Variants in SAMD15 observed in about 807,000 individuals in gnomAD.
SAMD15 encodes the protein sterile alpha motif domain containing 15.
SAMD15 carries 37 observed loss-of-function variants against 50.5 expected under a neutral mutation model. The observed-to-expected ratio is 0.73, with a 90% CI of 0.56 to 0.96. The LOEUF is 0.96. Among genes scored for constraint, SAMD15 ranks in the 40% least tolerant of loss-of-function variants. The pLI is 0.00. For missense variants in SAMD15, 789 were observed against 783.8 expected (o/e 1.01, Z -0.08); for synonymous variants, 255 against 282.8 (o/e 0.90, Z 0.99).
Position 77,391,497 on chromosome 14 carries a change from T to C in SAMD15, c.*253T>C. The C allele has an allele frequency of 3.0e-6, 1 of 333,362 alleles. No homozygotes were observed. Among genetic ancestry groups the C allele is most frequent in the Non-Finnish European group, 5.4e-6 (1 of 184,430 alleles). 20.7% of individuals were successfully genotyped at this position (333,362 alleles called of 1,614,324 possible). A position where few individuals can be genotyped will look rare whatever the true frequency, so the allele number is the denominator to read the frequency against. On this transcript the variant is annotated 3_prime_UTR_variant, in exon 3 of 3. Transcript: ENST00000216471. ...CATGCCCAGCTAATTTTTGTATTTT[T>C]AGTAGATATGATGTTTCACCATGTT...
intron 2 of SAMD15, among the ~76,000 whole-genome samples, chr14:77,387,021 A>C (rs1012468): frequency 6.6e-6 from 1 of 152,216 alleles, no homozygotes; most frequent in Admixed American, 6.5e-5. Context: ...AATCCTTAGA[A>C]AACTAATCAT....
At chr14:77,388,382 CGTGTGTGTGTGTGTGTGT>C (rs376913427) in intron 2 of SAMD15, among the ~76,000 whole-genome samples, 6 of 133,166 alleles carry the variant, frequency 4.5e-5, no homozygotes, top group East Asian at 4.5e-4. Context: ...GCCACCTGTT[CGTGTGTGTGTGTGTGTGT>C]GTGTGTGTGT....
chr14:77,383,977 CAAAAAAAAA>C (rs71128618), intron 2 of SAMD15, among the ~76,000 whole-genome samples: 2 of 59,086 alleles, frequency 3.4e-5, no homozygotes, highest in Non-Finnish European at 6.0e-5. Flanking sequence ...GACTCAGTCT[CAAAAAAAAA>C]AAAAAAAAAA....
chr14:77,388,612 G>T lies in SAMD15; in HGVS notation c.1789-2396G>T, dbSNP rs1176715603. Among the ~76,000 whole-genome samples, 8 of 137,242 alleles carry T rather than the reference G, an allele frequency of 5.8e-5. 1 individual carries two copies. Among genetic ancestry groups the T allele is most frequent in the South Asian group, 2.4e-4 (1 of 4,194 alleles). The allele number at this position is 137,242 out of a possible 152,430, so 90.0% of individuals were successfully genotyped here. On this transcript the variant is annotated intron_variant, in intron 2 of 2. Coordinates refer to ENST00000216471, the MANE Select transcript of SAMD15 (RefSeq NM_001010860.4). ...TTTTCTGTAGCAATTTGTTTTTTTT[G>T]TTTGTTTGTTTTTTGAGATGGAATC...
At chr14:77,386,816 T>G (rs1211491710) in intron 2 of SAMD15, among the ~76,000 whole-genome samples, 1 of 152,120 alleles carries the variant, frequency 6.6e-6, no homozygotes, top group Non-Finnish European at 1.5e-5. Context: ...AGCAAAACCA[T>G]CAGTAGTTTA....
chr14:77,380,349 C>A, intron 1 of SAMD15, 34 bp from the exon 2 acceptor site: 1 of 1,344,024 alleles, frequency 7.4e-7, no homozygotes, highest in Non-Finnish European at 1.1e-6. Flanking sequence ...ATTTGCAGTA[C>A]ATTTTTTAAG....
At chr14:77,385,105 C>T (rs1893989399) in intron 2 of SAMD15, among the ~76,000 whole-genome samples, 1 of 151,770 alleles carries the variant, frequency 6.6e-6, no homozygotes. Context: ...ATCCCTTGAA[C>T]CTGGAAGGCA....
intron 2 of SAMD15, among the ~76,000 whole-genome samples, chr14:77,381,622 C>A (rs1003568289): frequency 3.3e-5 from 5 of 152,176 alleles, no homozygotes; most frequent in African/African-American, 1.2e-4. Flanking sequence ...CTAGATGACT[C>A]TTCAACAGGC....
chr14:77,382,133 T>C (rs1398577081), intron 2 of SAMD15, among the ~76,000 whole-genome samples: 1 of 151,088 alleles, frequency 6.6e-6, no homozygotes, highest in Non-Finnish European at 1.5e-5. Flanking sequence ...TTTTGGGGTT[T>C]TTTTTTTTTG....
At chr14:77,386,722 A>T (rs570538412) in intron 2 of SAMD15, among the ~76,000 whole-genome samples, 1 of 152,338 alleles carries the variant, frequency 6.6e-6, no homozygotes, top group East Asian at 1.9e-4. Context: ...GGTTTAGATC[A>T]TATAAATTAT....
At position 77,378,589 on chromosome 14, in the gene SAMD15, G is replaced by C; in HGVS notation, c.1171G>C (p.Val391Leu). 6.2e-7 allele frequency: 1 copy of C among 1,613,604 alleles called. No individual in the cohort carries two copies. Among genetic ancestry groups the C allele is most frequent in the Non-Finnish European group, 8.5e-7 (1 of 1,179,954 alleles). Reference protein sequence around the residue: ...PVLPQEINPQVEEKTQTKPTE... With the variant: ...PVLPQEINPQLEEKTQTKPTE... ...GCTACCACAGGAGATCAACCCACAA[G>C]TTGAAGAGAAAACACAAACAAAGCC... is the stretch of plus-strand genomic sequence containing the variant. The change falls in exon 1 of 3, where the codon GTT (valine) becomes CTT (leucine). Residue 391 changes from valine to leucine, a missense_variant. Val to Leu is a conservative substitution (Grantham distance 32). Around this residue, in one of 2 missense-constraint regions of SAMD15, gnomAD observed 770 missense variants for 745.4 expected, o/e 1.03. Coordinates refer to ENST00000216471, the MANE Select transcript of SAMD15 (RefSeq NM_001010860.4).
intron 2 of SAMD15, among the ~76,000 whole-genome samples, chr14:77,387,525 A>G (rs115498354): frequency 0.026 from 4,001 of 152,284 alleles, 181 homozygotes; most frequent in African/African-American, 0.092. Flanking sequence ...TGAACTTCAG[A>G]CACACTTTTA....
At position 77,378,771 on chromosome 14, in the gene SAMD15, A is replaced by G. The variant is rs1210876816; in HGVS notation, c.1353A>G (p.Leu451=). ...AGCCTAAAAGAGGAAAGTTGTCACT[A>G]AGTGACAAATTTAGAAAAGAATATT... ...HREPKRGKLS[L]SDKFRKEYYA... Residue 451 remains leucine, a synonymous_variant, in exon 1 of 3, where the codon CTA becomes CTG. Transcript: ENST00000216471. The G allele has an allele frequency of 1.2e-6, 2 of 1,611,586 alleles. No individual in the cohort carries two copies. Among genetic ancestry groups the G allele is most frequent in the Non-Finnish European group, 1.7e-6 (2 of 1,179,172 alleles).
intron 2 of SAMD15, among the ~76,000 whole-genome samples, chr14:77,388,382 C>CGT (rs376913427): frequency 0.17 from 22,158 of 132,950 alleles, 1,811 homozygotes; most frequent in Non-Finnish European, 0.18. Context: ...GCCACCTGTT[C>CGT]GTGTGTGTGT....
chr14:77,379,308 C>T (rs1893914527), intron 1 of SAMD15, among the ~76,000 whole-genome samples: 1 of 151,840 alleles, frequency 6.6e-6, no homozygotes, highest in Non-Finnish European at 1.5e-5. Context: ...AGGGTCACAT[C>T]GGTTTGTTTT....
chr14:77,388,672 G>A (rs1024697715), intron 2 of SAMD15, among the ~76,000 whole-genome samples: 5 of 151,192 alleles, frequency 3.3e-5, no homozygotes, highest in Admixed American at 6.6e-5. Flanking sequence ...GCAGTGGTGC[G>A]ATCTCAGCTC....
chr14:77,379,579 G>A (rs1253828619), intron 1 of SAMD15, among the ~76,000 whole-genome samples: 1 of 152,118 alleles, frequency 6.6e-6, no homozygotes, highest in Admixed American at 6.5e-5. Flanking sequence ...TTTTAGTAGA[G>A]ACGGGGTTTC....
chr14:77,390,388 A>C (rs544223388), intron 2 of SAMD15, among the ~76,000 whole-genome samples: 51 of 152,244 alleles, frequency 3.3e-4, no homozygotes, highest in African/African-American at 1.1e-3. Flanking sequence ...CATGGCTCCT[A>C]ATCTGAACAT....
chr14:77,377,747 A>T lies in SAMD15; in HGVS notation c.329A>T (p.Glu110Val). 6.2e-7 allele frequency: 1 copy of T among 1,614,216 alleles called. No individual in the cohort carries two copies. The highest frequency in any genetic ancestry group is 8.5e-7 in the Non-Finnish European group (1 of 1,180,034). The change falls in exon 1 of 3, where the codon GAA becomes GTA. Residue 110 changes from glutamate (E) to valine (V), a missense_variant. By Grantham distance (121) the Glu-to-Val change is moderately radical. This residue lies in a region of SAMD15 where 770 missense variants were observed against 745.4 expected (regional missense o/e 1.03). Transcript: ENST00000216471. ...GGGATACACCAAGAGGTAAAGTCGG[A>T]AACATCCAGAGAGATGGGAGAGTTT... Reference protein sequence around the residue: ...EPGIHQEVKSETSREMGEFFK... With the variant: ...EPGIHQEVKSVTSREMGEFFK...
Sources: allele counts gnomAD v4.1 joint callset (sites outside exome capture counted in the v4.1 genomes callset), GRCh38; gene constraint gnomAD v4.1.1; regional missense constraint gnomAD v4.1.1; transcripts MANE v1.5; gene names NCBI Gene and HGNC (gene_info 2026-07-23, HGNC 2026-07-21).